Variants in POGZ observed in about 807,000 individuals in gnomAD.
POGZ encodes pogo transposable element with ZNF domain.
A neutral mutation model predicts 134.6 loss-of-function variants in POGZ; 17 were observed. The ratio of observed to expected loss-of-function variants is 0.13; its 90% CI spans 0.09 to 0.19. The LOEUF (loss-of-function observed/expected upper bound fraction) is 0.19. Among genes scored for constraint, POGZ ranks in the 10% least tolerant of loss-of-function variants. The probability of loss-of-function intolerance (pLI) is 1.00; values close to 1 mark genes in which losing one functional copy is unlikely to be tolerated. For missense variants in POGZ, 1,306 were observed against 1,769.7 expected (o/e 0.74, Z 4.70); for synonymous variants, 693 against 657.1 (o/e 1.05, Z -0.84).
intron 3 of POGZ, among the ~76,000 whole-genome samples, chr1:151,432,201 C>G (rs1557918899): frequency 1.3e-5 from 2 of 151,932 alleles, no homozygotes. Context: ...CAACAAGAAA[C>G]AAAAAACCAA....
intron 1 of POGZ, among the ~76,000 whole-genome samples, chr1:151,443,723 T>C (rs967379016): frequency 1.3e-5 from 2 of 151,902 alleles, no homozygotes; most frequent in Non-Finnish European, 2.9e-5. Context: ...TCAAAAAAAA[T>C]AAAAATAAAT....
rs763382062 is a variant in POGZ, at chr1:151,406,329, A to T, written c.2706T>A (p.Thr902=). ...GTGATGGGAGTGCTGGGGCTAAGGG[A>T]GTTAGTAGCTCTTCAGGCTCAGCTG... ...ATPAEPEELL[T]PLAPALPSPA... The change falls in exon 19 of 19, where the codon ACT becomes ACA. Residue 902 remains threonine (T), a synonymous_variant. Transcript: ENST00000271715. The T allele has an allele frequency of 1.3e-5, 21 of 1,607,474 alleles. No individual in the cohort carries two copies. Among genetic ancestry groups the T allele is most frequent in the Non-Finnish European group, 1.8e-5 (21 of 1,176,804 alleles).
chr1:151,452,640 C>T (rs553611834), intron 1 of POGZ, among the ~76,000 whole-genome samples: 8 of 152,128 alleles, frequency 5.3e-5, no homozygotes, highest in South Asian at 2.1e-4. Context: ...CCAATGCAGG[C>T]GGATCACAAG....
chr1:151,434,757 G>GT (rs1279831143), intron 3 of POGZ, among the ~76,000 whole-genome samples: 1 of 150,844 alleles, frequency 6.6e-6, no homozygotes, highest in African/African-American at 2.4e-5. Context: ...TCATTTTTTT[G>GT]TATTTTAGTA....
intron 8 of POGZ, 189 bp from the exon 9 acceptor site, chr1:151,424,475 G>A (rs1657441061): frequency 2.1e-6 from 1 of 478,734 alleles, no homozygotes; most frequent in Non-Finnish European, 3.7e-6. Context: ...TGCCACCCAA[G>A]CGCTATACTT....
At chr1:151,419,055 GA>G (rs891245352) in intron 10 of POGZ, among the ~76,000 whole-genome samples, 2 of 135,160 alleles carry the variant, frequency 1.5e-5, no homozygotes, top group Non-Finnish European at 3.2e-5. Context: ...AAGAAAAAAA[GA>G]AAAAAAGTTA....
chr1:151,458,851 G>GGCCGGCCA (rs1213738472), intron 1 of POGZ, among the ~76,000 whole-genome samples: 2 of 145,416 alleles, frequency 1.4e-5, no homozygotes, highest in African/African-American at 2.5e-5. Context: ...GGGCGGGGGC[G>GGCCGGCCA]GCCGGCCAGC....
chr1:151,419,071 C>T (rs1370990184), intron 10 of POGZ, among the ~76,000 whole-genome samples: 4 of 147,494 alleles, frequency 2.7e-5, no homozygotes, highest in South Asian at 2.2e-4. Flanking sequence ...AAGTTACTTT[C>T]GACCGGGCAT....
rs1002913022 is a variant in POGZ at position 151,403,590 on chromosome 1, A to G, written c.*1212T>C. On this transcript the variant is annotated 3_prime_UTR_variant, in exon 19 of 19. Transcript: ENST00000271715. ...AATCCCTCATGCAAATTGTAGAAAA[A>G]ATTTTCTTTCCTTGAAGCTGGCAGT... is the stretch of plus-strand genomic sequence containing the variant. The G allele has an allele frequency of 7.1e-6, 7 of 985,642 alleles. No homozygotes were observed. The highest frequency in any genetic ancestry group is 7.0e-5 in the African/African-American group (4 of 57,184). 61.1% of individuals were successfully genotyped at this position (985,642 alleles called of 1,614,324 possible).
At chr1:151,442,031 A>G (rs1473505844) in intron 2 of POGZ, 50 bp downstream of exon 2, 1 of 1,388,218 alleles carries the variant, frequency 7.2e-7, no homozygotes, top group East Asian at 2.3e-5. Flanking sequence ...CCAAAATACC[A>G]TTCAATTTAA....
Position 151,419,466 on chromosome 1 carries a change from G to A in POGZ, c.1678+3931C>T, listed in dbSNP as rs189225132. ...AATTTGAGACCAGCCTGGGCAGCAT[G>A]GCAAAACCCTATCTCTACAAAAAAC... On this transcript the variant is annotated intron_variant, in intron 10 of 18. Transcript: ENST00000271715. Among the ~76,000 whole-genome samples the A allele has an allele frequency of 5.9e-4, 89 of 151,658 alleles. 1 individual carries two copies. The highest frequency in any genetic ancestry group is 2.1e-3 in the African/African-American group (86 of 41,336).
Position 151,403,516 on chromosome 1 carries a change from A to G in POGZ, c.*1286T>C. On this transcript the variant is annotated 3_prime_UTR_variant, in exon 19 of 19. Transcript: ENST00000271715. ...TTGGTTTTTTGCTCCTTTTCTCTGT[A>G]CGGTACAGTACGTTTTGGTTTACAA... The G allele has an allele frequency of 1.3e-5, 13 of 985,648 alleles. No individual in the cohort carries two copies. The highest frequency in any genetic ancestry group is 1.6e-5 in the Non-Finnish European group (13 of 829,724). The allele number at this position is 985,648 out of a possible 1,614,324, so 61.1% of individuals were successfully genotyped here.
chr1:151,439,114 G>A (rs1660108432), intron 3 of POGZ: 1 of 151,924 alleles, frequency 6.6e-6, no homozygotes, highest in Non-Finnish European at 1.5e-5. Context: ...GAAATACACA[G>A]GAAAGCAATA....
rs1658055365 is a variant in POGZ, at chr1:151,427,962, A to G, written c.939T>C (p.Asn313=). 6.2e-7 allele frequency: 1 copy of G among 1,614,060 alleles called. No individual in the cohort carries two copies. Among genetic ancestry groups the G allele is most frequent in the Non-Finnish European group, 8.5e-7 (1 of 1,180,016 alleles). The part of the protein sequence containing the change: ...TVKRPGVTGE[N]SNEVAKLVNT... Reference sequence around the variant, plus strand: ...TCACCAATTTGGCCACTTCATTGCTATTTTCGCCTGTAACACCAGGTCGCT... The same window carrying G: ...TCACCAATTTGGCCACTTCATTGCTGTTTTCGCCTGTAACACCAGGTCGCT... Residue 313 remains asparagine (N), a synonymous_variant, in exon 7 of 19, where the codon AAT becomes AAC. Transcript: ENST00000271715.
Position 151,442,095 on chromosome 1 carries a change from T to A in POGZ, c.110A>T (p.Asp37Val). ...GCTTTTGTTACCTGTGGTAGTTTTA[T>A]CCACTGAATTATAATCTTCAACTAC... ...DSVVEDYNSV[D>V]KTTTVSVSQQ... is the part of the protein sequence containing the mutation. Residue 37 changes from aspartate (D) to valine (V), a missense_variant, in exon 2 of 19, where the codon GAT becomes GTT. By Grantham distance (152) the Asp-to-Val change is radical. Coordinates refer to ENST00000271715, the MANE Select transcript of POGZ (RefSeq NM_015100.4). The A allele has an allele frequency of 6.3e-7, 1 of 1,599,844 alleles. No individual in the cohort carries two copies. Among genetic ancestry groups the A allele is most frequent in the East Asian group, 2.2e-5 (1 of 44,770 alleles).
rs1653211968 is a variant in POGZ, at chr1:151,404,440, G to A, written c.*362C>T. On this transcript the variant is annotated 3_prime_UTR_variant, in exon 19 of 19. Transcript: ENST00000271715. Reference sequence around the variant, plus strand: ...TACTATGATACAATTGAGGTAAAAGGGGAAACAAAAAAATTTAACATTTGC... The same window carrying A: ...TACTATGATACAATTGAGGTAAAAGAGGAAACAAAAAAATTTAACATTTGC... 5 of 1,004,172 alleles carry A rather than the reference G, an allele frequency of 5.0e-6. No individual in the cohort carries two copies. Among genetic ancestry groups the A allele is most frequent in the Non-Finnish European group, 5.9e-6 (5 of 841,104 alleles). 62.2% of individuals were successfully genotyped at this position (1,004,172 alleles called of 1,614,324 possible). A position where few individuals can be genotyped will look rare whatever the true frequency, so the allele number is the denominator to read the frequency against.
intron 1 of POGZ, among the ~76,000 whole-genome samples, chr1:151,454,239 T>C (rs1405599926): frequency 6.6e-6 from 1 of 152,240 alleles, no homozygotes; most frequent in Admixed American, 6.5e-5. Flanking sequence ...TACCACTTTC[T>C]TGTTCCAGGG....
chr1:151,426,686 T>A (rs1007131237), intron 7 of POGZ: 4 of 152,216 alleles, frequency 2.6e-5, no homozygotes, highest in Non-Finnish European at 5.9e-5. Context: ...TTTAATTTAC[T>A]CATTTTTTCT....
At chr1:151,444,360 T>C (rs1660975720) in intron 1 of POGZ, among the ~76,000 whole-genome samples, 1 of 152,244 alleles carries the variant, frequency 6.6e-6, no homozygotes, top group African/African-American at 2.4e-5. Flanking sequence ...CACATGCCTT[T>C]GTTTTCCAGT....
Sources: gnomAD v4.1 joint callset for allele counts (sites outside exome capture counted in the v4.1 genomes callset) on GRCh38, gnomAD v4.1.1 for gene constraint, MANE v1.5 for transcripts, NCBI Gene and HGNC (gene_info 2026-07-23, HGNC 2026-07-21) for gene names.